The following RIN3 variants were observed in gnomAD, a reference collection of about 807,000 sequenced individuals.
The protein encoded by RIN3 is RAB5 interacting protein 3.
A neutral mutation model predicts 76.3 loss-of-function variants in RIN3; 54 were observed. That is an observed-to-expected ratio of 0.71 (90% CI 0.57 to 0.89). The LOEUF is 0.89. Among genes scored for constraint, RIN3 ranks in the 40% least tolerant of loss-of-function variants. The pLI is 0.00. For synonymous variants in RIN3, 576 were observed against 564.0 expected, an observed-to-expected ratio of 1.02 and a Z score of -0.30; for missense variants, 1,256 against 1,322.1, an observed-to-expected ratio of 0.95 and a Z score of 0.78.
Position 92,633,544 on chromosome 14 carries a change from C to T in RIN3, c.441-7694C>T, listed in dbSNP as rs1002881132. 7.2e-5 allele frequency among the ~76,000 whole-genome samples: 11 copies of T among 152,292 alleles called. No homozygotes were observed. In the South Asian group the frequency reaches 8.3e-4, roughly 11 times the overall value. On this transcript the variant is annotated intron_variant, in intron 4 of 9. Transcript: ENST00000216487. The stretch of plus-strand genomic sequence containing the variant: ...GATATATAGCCGGCCAGTCAGAAGC[C>T]GGCTGGTGGCCTGAGACAACTGCAT...
intron 7 of RIN3, 102 bp from the exon 8 acceptor site, chr14:92,676,373 C>A: frequency 7.5e-7 from 1 of 1,331,972 alleles, no homozygotes; most frequent in Non-Finnish European, 1.1e-6. Context: ...TTCCAGGGAT[C>A]GCCATCCACA....
At chr14:92,585,342 A>C (rs941562992) in intron 3 of RIN3, among the ~76,000 whole-genome samples, 1 of 152,166 alleles carries the variant, frequency 6.6e-6, no homozygotes, top group African/African-American at 2.4e-5. Flanking sequence ...GCAGAACTCA[A>C]AGGCATTGTG....
At chr14:92,542,526 A>T (rs1326766302) in intron 1 of RIN3, among the ~76,000 whole-genome samples, 1 of 152,232 alleles carries the variant, frequency 6.6e-6, no homozygotes. Flanking sequence ...TCAAAATACT[A>T]AACACAGAAT....
At chr14:92,550,283 G>A (rs1897388420) in intron 1 of RIN3, among the ~76,000 whole-genome samples, 1 of 152,182 alleles carries the variant, frequency 6.6e-6, no homozygotes, top group African/African-American at 2.4e-5. Flanking sequence ...TGGAAAAACT[G>A]TAACATTTAC....
intron 1 of RIN3, among the ~76,000 whole-genome samples, chr14:92,522,782 A>G (rs539765741): frequency 1.3e-5 from 2 of 152,332 alleles, no homozygotes; most frequent in African/African-American, 4.8e-5. Flanking sequence ...TTTTAGCTGA[A>G]CATTTCCCAA....
intron 3 of RIN3, among the ~76,000 whole-genome samples, chr14:92,598,479 C>G (rs1482345096): frequency 3.3e-5 from 5 of 152,256 alleles, no homozygotes; most frequent in Non-Finnish European, 7.3e-5. Context: ...TTCTAAGCCA[C>G]TAAATTTTGC....
In RIN3 at chr14:92,664,226, A is replaced by T. The variant is rs1022872203; in HGVS notation, c.2335+4757A>T. On this transcript the variant is annotated intron_variant, in intron 7 of 9. Transcript: ENST00000216487. The stretch of plus-strand genomic sequence containing the variant: ...GCATGGGATTTTGTTTCAAATAAAG[A>T]GTTCTATTTTTTTAACATTTCATTT... Among the ~76,000 whole-genome samples, 5 of 152,136 alleles carry T rather than the reference A, an allele frequency of 3.3e-5. No homozygotes were observed. In the South Asian group the frequency reaches 1.0e-3, roughly 31 times the overall value.
chr14:92,542,543 A>C (rs1897152544), intron 1 of RIN3, among the ~76,000 whole-genome samples: 1 of 152,258 alleles, frequency 6.6e-6, no homozygotes, highest in African/African-American at 2.4e-5. Flanking sequence ...GAATTACCAT[A>C]TAATCCAGCA....
chr14:92,659,303 C>T lies in RIN3; in HGVS notation c.2169C>T (p.Thr723=), dbSNP rs746590008. ...ACCAGTTAGTGATCCTGGCCACCAC[C>T]ACCACTGACCTAGGTGTGACCACCA... is the stretch of plus-strand genomic sequence containing the variant. ...KENQLVILAT[T]TTDLGVTTSV... is the part of the protein sequence containing the mutation. Residue 723 remains threonine, a synonymous_variant, in exon 7 of 10, where the codon ACC becomes ACT. Coordinates refer to ENST00000216487, the MANE Select transcript of RIN3 (RefSeq NM_024832.5). The T allele has an allele frequency of 1.9e-6, 3 of 1,613,584 alleles. No individual in the cohort carries two copies. Among genetic ancestry groups the T allele is most frequent in the Non-Finnish European group, 1.7e-6 (2 of 1,179,674 alleles).
intron 2 of RIN3, among the ~76,000 whole-genome samples, chr14:92,557,140 A>G (rs1356780159): frequency 6.6e-6 from 1 of 152,260 alleles, no homozygotes; most frequent in African/African-American, 2.4e-5. Context: ...CGTAGCGGCA[A>G]GCATTCCCTG....
chr14:92,673,513 T>TA (rs1215750954), intron 7 of RIN3, among the ~76,000 whole-genome samples: 1 of 152,098 alleles, frequency 6.6e-6, no homozygotes, highest in East Asian at 1.9e-4. Context: ...TATCCACTTT[T>TA]TTTTTTTTTT....
chr14:92,515,250 G>C, intron 1 of RIN3: 2 of 700,136 alleles, frequency 2.9e-6, no homozygotes, highest in Admixed American at 2.0e-5. Flanking sequence ...CTGGGAATCC[G>C]TTGGGGAAGA....
At chr14:92,671,745 T>C (rs1888295717) in intron 7 of RIN3, among the ~76,000 whole-genome samples, 1 of 152,086 alleles carries the variant, frequency 6.6e-6, no homozygotes. Context: ...TGGCCAAAAG[T>C]CATTACTCCC....
At chr14:92,657,352 TTC>T (rs2140148451) in intron 6 of RIN3, among the ~76,000 whole-genome samples, 1 of 136,776 alleles carries the variant, frequency 7.3e-6, no homozygotes, top group Non-Finnish European at 1.6e-5. Flanking sequence ...CAGAACAAGA[TTC>T]TGTCTCAAAA....
intron 2 of RIN3, among the ~76,000 whole-genome samples, chr14:92,575,786 C>T (rs944343409): frequency 4.6e-5 from 7 of 152,196 alleles, no homozygotes. Context: ...GTTTTGTCAG[C>T]AGGGTCTTTG....
At chr14:92,542,763 C>T (rs1348232429) in intron 1 of RIN3, among the ~76,000 whole-genome samples, 1 of 152,180 alleles carries the variant, frequency 6.6e-6, no homozygotes, top group Admixed American at 6.6e-5. Flanking sequence ...TATAGAAGTA[C>T]TGATAAATTC....
At chr14:92,540,331 A>T (rs1307134632) in intron 1 of RIN3, among the ~76,000 whole-genome samples, 1 of 152,024 alleles carries the variant, frequency 6.6e-6, no homozygotes, top group Admixed American at 6.5e-5. Context: ...CTTAGGCTGC[A>T]CTCTATTCCC....
intron 1 of RIN3, among the ~76,000 whole-genome samples, chr14:92,522,875 C>T (rs1896636147): frequency 6.6e-6 from 1 of 152,136 alleles, no homozygotes; most frequent in Admixed American, 6.5e-5. Context: ...TTGGAGAACC[C>T]CTTAATGGGG....
chr14:92,588,628 T>A (rs776850624), intron 3 of RIN3, among the ~76,000 whole-genome samples: 23 of 152,042 alleles, frequency 1.5e-4, no homozygotes, highest in Non-Finnish European at 3.1e-4. Flanking sequence ...CCCTACCCCT[T>A]AATACTCTTG....
Sources: gnomAD v4.1 joint callset for allele counts (sites outside exome capture counted in the v4.1 genomes callset) on GRCh38, gnomAD v4.1.1 for gene constraint, MANE v1.5 for transcripts, NCBI Gene and HGNC (gene_info 2026-07-23, HGNC 2026-07-21) for gene names.